The following HTR7 variants were observed in gnomAD, a reference collection of about 807,000 sequenced individuals.
HTR7 encodes the protein 5-hydroxytryptamine receptor 7.
In HTR7, 16 loss-of-function variants were observed where a neutral mutation model predicts 34.0. The ratio of observed to expected loss-of-function variants is 0.47; its 90% CI spans 0.32 to 0.71. The LOEUF is 0.71. Ranked by LOEUF, HTR7 falls within the 30% of genes least tolerant of loss-of-function variation. HTR7 has a pLI of 0.04. For missense variants in HTR7, 504 were observed against 625.5 expected (o/e 0.81, Z 2.07); for synonymous variants, 265 against 260.2 (o/e 1.02, Z -0.18).
At chr10:90,798,671 A>G (rs1845577947) in intron 1 of HTR7, among the ~76,000 whole-genome samples, 1 of 152,198 alleles carries the variant, frequency 6.6e-6, no homozygotes, top group African/African-American at 2.4e-5. Context: ...CTGTGATCAT[A>G]CATGCACTCC....
intron 1 of HTR7, among the ~76,000 whole-genome samples, chr10:90,804,758 A>T (rs902144376): frequency 2.6e-5 from 4 of 152,022 alleles, no homozygotes; most frequent in Admixed American, 6.6e-5. Context: ...ATTTTTTTTT[A>T]AAAGAGCTTT....
intron 1 of HTR7, among the ~76,000 whole-genome samples, chr10:90,825,631 T>A (rs1589469029): frequency 1.3e-5 from 2 of 152,254 alleles, no homozygotes; most frequent in African/African-American, 2.4e-5. Context: ...GAATTTGGGA[T>A]CTTATCAGAT....
chr10:90,810,959 T>A (rs987398224), intron 1 of HTR7, among the ~76,000 whole-genome samples: 4 of 152,226 alleles, frequency 2.6e-5, no homozygotes, highest in African/African-American at 4.8e-5. Context: ...TTAGATACTT[T>A]CGACTTTAGA....
At chr10:90,743,942 G>A (rs1303751568) in intron 2 of HTR7, 14 of 643,274 alleles carry the variant, frequency 2.2e-5, no homozygotes, top group South Asian at 1.5e-4. Flanking sequence ...CTGAGGTTCT[G>A]GTTATGCTGA....
chr10:90,831,656 G>A (rs576953843), intron 1 of HTR7, among the ~76,000 whole-genome samples: 43 of 152,288 alleles, frequency 2.8e-4, no homozygotes, highest in Non-Finnish European at 5.3e-4. Flanking sequence ...CCATTTTACA[G>A]AGAGCCGATT....
intron 1 of HTR7, among the ~76,000 whole-genome samples, chr10:90,831,428 C>G (rs1051300292): frequency 2.0e-5 from 3 of 151,952 alleles, no homozygotes; most frequent in Admixed American, 6.6e-5. Flanking sequence ...TTCGTGGTCT[C>G]GGTGACTTCA....
chr10:90,758,716 G>A (rs1446489509), intron 1 of HTR7, among the ~76,000 whole-genome samples: 1 of 151,946 alleles, frequency 6.6e-6, no homozygotes, highest in Non-Finnish European at 1.5e-5. Context: ...TATTATCCAT[G>A]ATACTTATCC....
intron 1 of HTR7, among the ~76,000 whole-genome samples, chr10:90,763,339 A>T (rs1844969108): frequency 6.6e-6 from 1 of 152,184 alleles, no homozygotes; most frequent in African/African-American, 2.4e-5. Flanking sequence ...TCAGTACCTA[A>T]CATCTTTCAC....
chr10:90,768,785 G>A (rs117309322), intron 1 of HTR7, among the ~76,000 whole-genome samples: 1,671 of 152,230 alleles, frequency 0.011, 19 homozygotes, highest in South Asian at 0.027. Flanking sequence ...CACCAATCAA[G>A]GACAAAATGA....
chr10:90,830,070 TAGAGA>T (rs1846141106), intron 1 of HTR7, among the ~76,000 whole-genome samples: 1 of 152,212 alleles, frequency 6.6e-6, no homozygotes, highest in Non-Finnish European at 1.5e-5. Flanking sequence ...CTCACAGTAA[TAGAGA>T]AAACAATCCT....
chr10:90,813,225 C>T (rs1589462430), intron 1 of HTR7, among the ~76,000 whole-genome samples: 1 of 152,336 alleles, frequency 6.6e-6, no homozygotes, highest in Admixed American at 6.5e-5. Context: ...CACACAAAGC[C>T]TGTTTGGTGG....
intron 1 of HTR7, among the ~76,000 whole-genome samples, chr10:90,817,998 G>A (rs1345229608): frequency 1.3e-5 from 2 of 152,152 alleles, no homozygotes; most frequent in Admixed American, 6.5e-5. Flanking sequence ...TTATAGAAAA[G>A]GCAAATCTAT....
intron 1 of HTR7, among the ~76,000 whole-genome samples, chr10:90,775,929 G>A (rs768830772): frequency 6.6e-6 from 1 of 152,034 alleles, no homozygotes; most frequent in Non-Finnish European, 1.5e-5. Flanking sequence ...AAAGAAAGAA[G>A]TAAAAATAAA....
chr10:90,745,732 C>T (rs1844622794), intron 2 of HTR7, among the ~76,000 whole-genome samples: 1 of 152,196 alleles, frequency 6.6e-6, no homozygotes, highest in African/African-American at 2.4e-5. Flanking sequence ...GCCTGTTGGC[C>T]AAATACAACT....
In HTR7 at chr10:90,857,168, G is replaced by A; in HGVS notation, c.504C>T (p.Ala168=). The A allele has an allele frequency of 6.2e-7, 1 of 1,611,820 alleles. No homozygotes were observed. Residue 168 remains alanine, a synonymous_variant, in exon 1 of 4, where the codon GCC becomes GCT. Coordinates refer to ENST00000336152, the MANE Select transcript of HTR7 (RefSeq NM_019859.4). This position sits in a 1 kb window ranked among gnomAD's most constrained non-coding sequence, Gnocchi z 6.5. ...TGATCACGCACAGGGTCATGATCGA[G>A]GCCGTGCAGCACATGACGTCCATGG... ...FIAMDVMCCT[A]SIMTLCVISI...
intron 1 of HTR7, among the ~76,000 whole-genome samples, chr10:90,763,893 A>G (rs142031358): frequency 3.4e-4 from 51 of 152,220 alleles, no homozygotes; most frequent in African/African-American, 1.1e-3. Context: ...GGTCTTTACT[A>G]ATGTAAATAG....
intron 1 of HTR7, among the ~76,000 whole-genome samples, chr10:90,798,902 C>T (rs150319409): frequency 5.1e-4 from 77 of 152,248 alleles, no homozygotes; most frequent in African/African-American, 1.8e-3. Flanking sequence ...CGCCTTCTTG[C>T]CCGAGAACTA....
At chr10:90,790,254 T>C (rs1845443346) in intron 1 of HTR7, among the ~76,000 whole-genome samples, 1 of 152,192 alleles carries the variant, frequency 6.6e-6, no homozygotes, top group Non-Finnish European at 1.5e-5. Flanking sequence ...CAAATTTTAA[T>C]ACAAGGGAGA....
chr10:90,754,217 A>C (rs1275606648), intron 1 of HTR7, among the ~76,000 whole-genome samples: 1 of 152,108 alleles, frequency 6.6e-6, no homozygotes, highest in Non-Finnish European at 1.5e-5. Flanking sequence ...GCTTGTCAAA[A>C]GTACTTTATT....
Sources: gnomAD v4.1 joint callset for allele counts (sites outside exome capture counted in the v4.1 genomes callset) on GRCh38, gnomAD v4.1.1 for gene constraint, Gnocchi (gnomAD v3.1) non-coding constraint, MANE v1.5 for transcripts, NCBI Gene and HGNC (gene_info 2026-07-23, HGNC 2026-07-21) for gene names.